Variants in DNAJB6 observed in about 807,000 individuals in gnomAD.
DNAJB6 encodes DnaJ heat shock protein family (Hsp40) member B6.
In DNAJB6, 16 loss-of-function variants were observed where a neutral mutation model predicts 42.7. The ratio of observed to expected loss-of-function variants is 0.37; its 90% CI spans 0.25 to 0.57. The LOEUF is 0.57. Among genes scored for constraint, DNAJB6 ranks in the 20% least tolerant of loss-of-function variants. DNAJB6 has a pLI of 0.74. For synonymous variants in DNAJB6, 170 were observed against 163.5 expected (o/e 1.04, Z -0.30); for missense variants, 347 against 416.8 (o/e 0.83, Z 1.46).
chr7:157,375,557 G>T (rs955774189), intron 5 of DNAJB6, among the ~76,000 whole-genome samples: 2 of 152,230 alleles, frequency 1.3e-5, no homozygotes, highest in African/African-American at 4.8e-5. Context: ...TGGCGTGCCT[G>T]CTGTTTAGTG....
chr7:157,375,989 T>C (rs969211669), intron 5 of DNAJB6, among the ~76,000 whole-genome samples: 10 of 152,204 alleles, frequency 6.6e-5, no homozygotes, highest in African/African-American at 2.4e-4. Context: ...CAGTGGGTCC[T>C]GAAATCATGA....
At chr7:157,364,543 A>G (rs1799756551) in intron 3 of DNAJB6, among the ~76,000 whole-genome samples, 1 of 152,202 alleles carries the variant, frequency 6.6e-6, no homozygotes. Context: ...TCAAGTTCCA[A>G]GCACCATTGC....
intron 5 of DNAJB6, chr7:157,379,956 T>C (rs988680243): frequency 8.6e-5 from 13 of 151,980 alleles, no homozygotes; most frequent in African/African-American, 3.1e-4. Context: ...AGACTACAGA[T>C]GCCCACCACC....
At position 157,356,574 on chromosome 7, in the gene DNAJB6, C is replaced by T. The variant is rs78391682; in HGVS notation, c.-26-1973C>T. 2.0e-4 allele frequency among the ~76,000 whole-genome samples: 30 copies of T among 152,182 alleles called. No homozygotes were observed. The East Asian group carries it at 5.2e-3, about 26-fold the overall frequency. ...ACCTTGTAACTTATTACATGAAGTC[C>T]CTAATATTTTATATTGATTATTTCC... On this transcript the variant is annotated intron_variant, in intron 1 of 9. Transcript: ENST00000262177.
Position 157,366,579 on chromosome 7 carries a change from T to G in DNAJB6, c.235+18T>G, listed in dbSNP as rs373665493. ...AGGAGGAGGTAAGTACGTGAGTTTTTTCTTTGAAGACAAAAGGTCTTGGCA... is the reference window on the plus strand; with the variant it reads ...AGGAGGAGGTAAGTACGTGAGTTTTGTCTTTGAAGACAAAAGGTCTTGGCA... On this transcript the variant is annotated intron_variant, in intron 4 of 9. Coordinates refer to ENST00000262177, the MANE Select transcript of DNAJB6 (RefSeq NM_058246.4). 24 of 1,611,632 alleles carry G rather than the reference T, an allele frequency of 1.5e-5. No individual in the cohort carries two copies. The African/African-American group carries it at 2.9e-4, about 20-fold the overall frequency.
In DNAJB6 at chr7:157,416,861, A is replaced by C. The variant is rs542944956; in HGVS notation, c.*763A>C. ...ACGGGCCGGTATTTACACACGCGCA[A>C]AACACCCAGAGACGGCACAAGGAGG... On this transcript the variant is annotated 3_prime_UTR_variant, in exon 10 of 10. Transcript: ENST00000262177. The C allele has an allele frequency of 6.6e-6, 1 of 152,328 alleles. No homozygotes were observed. Among genetic ancestry groups the C allele is most frequent in the East Asian group, 1.9e-4 (1 of 5,192 alleles). The allele number at this position is 152,328 out of a possible 1,614,324, so 9.4% of individuals were successfully genotyped here.
chr7:157,414,144 G>C (rs1796048905), intron 9 of DNAJB6: 1 of 152,372 alleles, frequency 6.6e-6, no homozygotes, highest in African/African-American at 2.4e-5. Flanking sequence ...CAGGCTTTCC[G>C]TCCCTAGCTC....
chr7:157,341,437 C>CT (rs2116848142), intron 1 of DNAJB6, among the ~76,000 whole-genome samples: 1 of 152,304 alleles, frequency 6.6e-6, no homozygotes, highest in East Asian at 1.9e-4. Flanking sequence ...TTTTAGAATT[C>CT]TTAAGCTGTG....
intron 1 of DNAJB6, among the ~76,000 whole-genome samples, chr7:157,338,005 G>C (rs919348425): frequency 6.6e-6 from 1 of 152,212 alleles, no homozygotes; most frequent in Non-Finnish European, 1.5e-5. Flanking sequence ...CTGCGAGCTC[G>C]GAGGCTTCAG....
At chr7:157,339,601 T>TTGTGTGTGTGTGTGTGTGTG (rs59577692) in intron 1 of DNAJB6, among the ~76,000 whole-genome samples, 2 of 122,324 alleles carry the variant, frequency 1.6e-5, no homozygotes, top group African/African-American at 6.2e-5. Flanking sequence ...GCCCGGCCTT[T>TTGTGTGTGTGTGTGTGTGTG]TGTGTGTGTG....
intron 5 of DNAJB6, chr7:157,378,960 G>A (rs916733954): frequency 6.6e-6 from 1 of 152,012 alleles, no homozygotes; most frequent in African/African-American, 2.4e-5. Flanking sequence ...CATTTTTAGG[G>A]TAATTTGTGA....
chr7:157,397,688 CG>C (rs1801659081), intron 8 of DNAJB6, among the ~76,000 whole-genome samples: 2 of 152,258 alleles, frequency 1.3e-5, no homozygotes, highest in Admixed American at 1.3e-4. Flanking sequence ...ATTTCCAAAC[CG>C]ACCTTCACGT....
intron 8 of DNAJB6, among the ~76,000 whole-genome samples, chr7:157,399,958 C>G (rs1456188561): frequency 6.6e-6 from 1 of 152,120 alleles, no homozygotes; most frequent in South Asian, 2.1e-4. Flanking sequence ...CGTGAGCCGC[C>G]GCACCCGGCC....
At chr7:157,384,648 C>CT (rs1375897862) in intron 6 of DNAJB6, among the ~76,000 whole-genome samples, 13 of 152,218 alleles carry the variant, frequency 8.5e-5, no homozygotes, top group South Asian at 4.1e-4. Flanking sequence ...AGGCTGCACT[C>CT]TCGCGTTGCC....
chr7:157,406,809 T>C (rs1367531756), intron 8 of DNAJB6, among the ~76,000 whole-genome samples: 1 of 152,236 alleles, frequency 6.6e-6, no homozygotes, highest in Non-Finnish European at 1.5e-5. Context: ...TCAATATTCA[T>C]TTTCAAAATA....
At chr7:157,340,596 T>G (rs1798310702) in intron 1 of DNAJB6, among the ~76,000 whole-genome samples, 1 of 152,200 alleles carries the variant, frequency 6.6e-6, no homozygotes, top group South Asian at 2.1e-4. Context: ...TATGTTTTTG[T>G]ATGGACATAA....
intron 3 of DNAJB6, among the ~76,000 whole-genome samples, chr7:157,366,013 C>T (rs575034896): frequency 4.3e-4 from 66 of 152,048 alleles, no homozygotes; most frequent in Admixed American, 1.1e-3. Context: ...TGCAATGGCA[C>T]GATCTTGGCT....
intron 1 of DNAJB6, among the ~76,000 whole-genome samples, chr7:157,346,816 G>C (rs1206418514): frequency 1.3e-5 from 2 of 152,324 alleles, no homozygotes; most frequent in Admixed American, 1.3e-4. Context: ...TTTCCTTGGA[G>C]ACACGTGGAT....
intron 1 of DNAJB6, among the ~76,000 whole-genome samples, chr7:157,355,752 C>T (rs1262551559): frequency 2.6e-5 from 4 of 152,144 alleles, no homozygotes; most frequent in Non-Finnish European, 4.4e-5. Context: ...TTTATGCTTT[C>T]CTTGTAGGGT....
Sources: gnomAD v4.1 joint callset for allele counts (sites outside exome capture counted in the v4.1 genomes callset) on GRCh38, gnomAD v4.1.1 for gene constraint, MANE v1.5 for transcripts, NCBI Gene and HGNC (gene_info 2026-07-23, HGNC 2026-07-21) for gene names.